Variants in RCC1L observed in about 807,000 individuals in gnomAD.
RCC1L encodes the protein RCC1-like G exchanging factor-like protein.
RCC1L carries 46 observed loss-of-function variants against 58.6 expected under a neutral mutation model. The observed-to-expected ratio is 0.79, with a 90% CI of 0.62 to 1.00. The LOEUF (loss-of-function observed/expected upper bound fraction) is 1.00. Among genes scored for constraint, RCC1L ranks in the 50% least tolerant of loss-of-function variants. RCC1L has a pLI of 0.00. For missense variants in RCC1L, 636 were observed against 623.6 expected (o/e 1.02, Z -0.21); for synonymous variants, 281 against 262.9 (o/e 1.07, Z -0.67).
At chr7:75,057,451 C>A (rs1806116966) in intron 8 of RCC1L, 78 bp downstream of exon 8, 4 of 1,487,736 alleles carry the variant, frequency 2.7e-6, no homozygotes, top group African/African-American at 2.8e-5. Flanking sequence ...CTACGGCCTG[C>A]AAATCCAATG....
At chr7:75,048,982 C>T (rs587750093) in intron 10 of RCC1L, among the ~76,000 whole-genome samples, 204 of 152,236 alleles carry the variant, frequency 1.3e-3, no homozygotes, top group African/African-American at 3.6e-3. Context: ...AAAACATGTC[C>T]TGGAAAGTTT....
At chr7:75,050,289 T>A (rs1031129033) in intron 10 of RCC1L, among the ~76,000 whole-genome samples, 17 of 151,882 alleles carry the variant, frequency 1.1e-4, no homozygotes, top group Non-Finnish European at 2.2e-4. Context: ...CTCAAAACAA[T>A]AATAATAAAA....
At chr7:75,072,467 T>G (rs782735555) in intron 1 of RCC1L, among the ~76,000 whole-genome samples, 14 of 151,974 alleles carry the variant, frequency 9.2e-5, no homozygotes, top group Non-Finnish European at 1.8e-4. Context: ...CTTGACTGCA[T>G]GCTTTTCACT....
In RCC1L at chr7:75,070,733, G is replaced by A. The variant is rs376895337; in HGVS notation, c.361C>T (p.Leu121=). The change falls in exon 2 of 11, where the codon CTG becomes TTG. Residue 121 remains leucine, a synonymous_variant. Coordinates refer to ENST00000610322, the MANE Select transcript of RCC1L (RefSeq NM_030798.5). ...SAACGYGFTL[L]SSKTADVTKV... ...GTAACATCCGCAGTCTTAGAGGACA[G>A]CAGTGTGAATCCATAGCCGCAAGCA... is the stretch of plus-strand genomic sequence containing the variant. 1.2e-6 allele frequency: 2 copies of A among 1,614,144 alleles called. No homozygotes were observed. Among genetic ancestry groups the A allele is most frequent in the Non-Finnish European group, 1.7e-6 (2 of 1,180,016 alleles).
At chr7:75,027,714 C>A in exon 11 of RCC1L, 1 of 396,306 alleles carries the variant, frequency 2.5e-6, no homozygotes, top group Non-Finnish European at 4.7e-6. Flanking sequence ...CCTGGGGACC[C>A]TGCTCCTCGG....
intron 3 of RCC1L, among the ~76,000 whole-genome samples, chr7:75,065,837 G>A (rs1048455478): frequency 6.6e-6 from 1 of 151,908 alleles, no homozygotes; most frequent in Admixed American, 6.6e-5. Flanking sequence ...GGCCAATGTG[G>A]TGAAACCCCG....
At chr7:75,032,609 A>C (rs1382611457) in intron 10 of RCC1L, among the ~76,000 whole-genome samples, 1 of 152,108 alleles carries the variant, frequency 6.6e-6, no homozygotes, top group Non-Finnish European at 1.5e-5. Flanking sequence ...ATCAGCCCCC[A>C]TCCCAACCCT....
At chr7:75,070,581 A>AAAAAAAAATCC (rs1806686545) in intron 2 of RCC1L, 59 bp downstream of exon 2, 29 of 1,589,426 alleles carry the variant, frequency 1.8e-5, no homozygotes, top group Non-Finnish European at 1.6e-5. Flanking sequence ...AAAAAAATAC[A>AAAAAAAAATCC]AAAAAAGAGC....
Position 75,042,929 on chromosome 7 carries a change from G to GCCA in RCC1L, c.*100_*102dup. 1 of 1,585,830 alleles carries GCCA rather than the reference G, an allele frequency of 6.3e-7. No individual in the cohort carries two copies. The highest frequency in any genetic ancestry group is 1.3e-5 in the African/African-American group (1 of 74,742). On this transcript the variant is annotated 3_prime_UTR_variant, in exon 11 of 11. Coordinates refer to ENST00000610322, the MANE Select transcript of RCC1L (RefSeq NM_030798.5). The stretch of plus-strand genomic sequence containing the variant: ...CGTCACACTGCACGCAGGGTCCTCC[G>GCCA]CCACCACCATCCAAGAACCCCGGGG...
At chr7:75,060,852 C>G (rs1806252950) in intron 6 of RCC1L, among the ~76,000 whole-genome samples, 2 of 152,098 alleles carry the variant, frequency 1.3e-5, no homozygotes, top group East Asian at 3.9e-4. Flanking sequence ...GAGGCCACAG[C>G]AGGCAGACTG....
In RCC1L at chr7:75,060,259, G is replaced by A. The variant is rs182822052; in HGVS notation, c.787+948C>T. Among the ~76,000 whole-genome samples, 74 of 152,298 alleles carry A rather than the reference G, an allele frequency of 4.9e-4. No homozygotes were observed. The East Asian group carries it at 0.013, about 27-fold the overall frequency. On this transcript the variant is annotated intron_variant, in intron 6 of 10. Coordinates refer to ENST00000610322, the MANE Select transcript of RCC1L (RefSeq NM_030798.5). ...ACTTTACATTGTCTGGATGCACCAC[G>A]GTTGATCCATTCACCTGCTGAGGAA...
At chr7:75,062,691 G>A in intron 5 of RCC1L, among the ~76,000 whole-genome samples, 1 of 152,200 alleles carries the variant, frequency 6.6e-6, no homozygotes. Flanking sequence ...CAAGTGCTGT[G>A]ATACTTTTGC....
Position 75,058,596 on chromosome 7 carries a change from A to C in RCC1L, c.961T>G (p.Ser321Ala). 6.2e-7 allele frequency: 1 copy of C among 1,604,872 alleles called. No individual in the cohort carries two copies. The highest frequency in any genetic ancestry group is 8.5e-7 in the Non-Finnish European group (1 of 1,175,118). The change falls in exon 7 of 11, where the codon TCC (serine) becomes GCC (alanine). Residue 321 changes from serine (S) to alanine (A), a missense_variant. Transcript: ENST00000610322. ...TGTCGGCGACTGCATACCTGTGTGGAGTCAGTGACAGAGGCCAGCTGCAGG... is the reference window on the plus strand; with the variant it reads ...TGTCGGCGACTGCATACCTGTGTGGCGTCAGTGACAGAGGCCAGCTGCAGG... Reference protein sequence around the residue: ...EYLQLASVTDSTQVNVPRCLH... With the variant: ...EYLQLASVTDATQVNVPRCLH...
chr7:75,061,860 T>G (rs1806288158), intron 5 of RCC1L, among the ~76,000 whole-genome samples: 1 of 152,290 alleles, frequency 6.6e-6, no homozygotes, highest in Admixed American at 6.5e-5. Context: ...CACCAGGCAT[T>G]GTGTTAAGTC....
chr7:75,039,714 G>C (rs897472354), downstream of RCC1L, among the ~76,000 whole-genome samples: 23 of 152,296 alleles, frequency 1.5e-4, no homozygotes, highest in African/African-American at 5.3e-4. Context: ...CCCCATCAGA[G>C]AGAAAGGGAC....
downstream of RCC1L, among the ~76,000 whole-genome samples, chr7:75,040,685 C>T (rs904008092): frequency 6.6e-6 from 1 of 152,120 alleles, no homozygotes; most frequent in South Asian, 2.1e-4. Flanking sequence ...GGTCGGATTA[C>T]CCTGCTTCAC....
chr7:75,044,763 G>A (rs890064084), intron 10 of RCC1L, among the ~76,000 whole-genome samples: 21 of 151,982 alleles, frequency 1.4e-4, no homozygotes, highest in Admixed American at 2.6e-4. Flanking sequence ...TAGGCCAGGC[G>A]CAGTGGCTCA....
At chr7:75,031,199 G>T (rs910667104) in intron 10 of RCC1L, among the ~76,000 whole-genome samples, 13 of 152,126 alleles carry the variant, frequency 8.5e-5, no homozygotes, top group South Asian at 2.1e-4. Context: ...ATGGTGTACT[G>T]AGGGGCCTCT....
At chr7:75,038,998 G>A (rs1028631004), downstream of RCC1L, among the ~76,000 whole-genome samples, 27 of 152,194 alleles carry the variant, frequency 1.8e-4, no homozygotes, top group African/African-American at 6.3e-4. Context: ...GCGTCACCAC[G>A]TCCGGCTAAT....
Sources: gnomAD v4.1 joint callset for allele counts (sites outside exome capture counted in the v4.1 genomes callset) on GRCh38, gnomAD v4.1.1 for gene constraint, MANE v1.5 for transcripts, NCBI Gene and HGNC (gene_info 2026-07-23, HGNC 2026-07-21) for gene names.